The following PTPRM variants were observed in gnomAD, a reference collection of about 807,000 sequenced individuals.
PTPRM encodes receptor-type tyrosine-protein phosphatase mu.
In PTPRM, 47 loss-of-function variants were observed where a neutral mutation model predicts 186.7. The ratio of observed to expected loss-of-function variants is 0.25; its 90% CI spans 0.20 to 0.32. The LOEUF is 0.32. PTPRM is among the 10% of genes least tolerant of loss of function. The pLI is 1.00. For missense variants in PTPRM, 1,494 were observed against 1,865.0 expected (o/e 0.80, Z 3.66); for synonymous variants, 668 against 674.9 (o/e 0.99, Z 0.16).
chr18:8,164,484 G>A (rs1202916795), intron 14 of PTPRM, among the ~76,000 whole-genome samples: 2 of 152,118 alleles, frequency 1.3e-5, no homozygotes, highest in Non-Finnish European at 2.9e-5. Flanking sequence ...ACAAAAATGT[G>A]GTCTATCCAT....
intron 1 of PTPRM, among the ~76,000 whole-genome samples, chr18:7,676,778 T>C (rs935606872): frequency 7.2e-5 from 11 of 152,208 alleles, no homozygotes; most frequent in African/African-American, 2.4e-4. Flanking sequence ...AATGTTTTAC[T>C]GATTTGAATG....
At chr18:8,255,496 A>G (rs1403049979) in intron 19 of PTPRM, among the ~76,000 whole-genome samples, 1 of 152,244 alleles carries the variant, frequency 6.6e-6, no homozygotes, top group African/African-American at 2.4e-5. Flanking sequence ...CAACTAATTC[A>G]GTTCTCAAAA....
At chr18:7,739,171 A>T (rs560326680) in intron 1 of PTPRM, among the ~76,000 whole-genome samples, 38 of 152,172 alleles carry the variant, frequency 2.5e-4, no homozygotes, top group Non-Finnish European at 3.1e-4. Context: ...CGCTCACCTC[A>T]TGAGGCATCC....
At chr18:8,101,161 A>G (rs1342581950) in intron 11 of PTPRM, among the ~76,000 whole-genome samples, 1 of 152,218 alleles carries the variant, frequency 6.6e-6, no homozygotes, top group African/African-American at 2.4e-5. Context: ...TAAGAAGCAT[A>G]AAGAATGCAA....
rs560762606 is a variant in PTPRM at position 8,059,111 on chromosome 18, G to A, written c.1133-10575G>A. On this transcript the variant is annotated intron_variant, in intron 7 of 32. Coordinates refer to ENST00000580170, the MANE Select transcript of PTPRM (RefSeq NM_001105244.2). Reference sequence around the variant, plus strand: ...GCATGGAATGTTCTTCCATTTGTTTGTATCCTCTTTTATTTCCTTGAGTAG... The same window carrying A: ...GCATGGAATGTTCTTCCATTTGTTTATATCCTCTTTTATTTCCTTGAGTAG... Among the ~76,000 whole-genome samples the A allele has an allele frequency of 2.7e-3, 406 of 150,954 alleles. 11 individuals are homozygous for A. The highest frequency in any genetic ancestry group is 9.4e-3 in the African/African-American group (382 of 40,774).
At chr18:8,221,085 C>G (rs1414349338) in intron 14 of PTPRM, among the ~76,000 whole-genome samples, 1 of 152,052 alleles carries the variant, frequency 6.6e-6, no homozygotes, top group Non-Finnish European at 1.5e-5. Flanking sequence ...TGTTTTTCCT[C>G]CCACTAAACT....
intron 4 of PTPRM, among the ~76,000 whole-genome samples, chr18:7,908,029 G>T (rs1241762063): frequency 6.6e-6 from 1 of 151,926 alleles, no homozygotes; most frequent in Non-Finnish European, 1.5e-5. Context: ...AAATATTGCT[G>T]CAGTGAGCAT....
chr18:7,816,882 A>T (rs1715585621), intron 2 of PTPRM, among the ~76,000 whole-genome samples: 1 of 152,252 alleles, frequency 6.6e-6, no homozygotes, highest in Admixed American at 6.5e-5. Flanking sequence ...CTCAGGGCGG[A>T]TAAATAATAG....
intron 2 of PTPRM, among the ~76,000 whole-genome samples, chr18:7,861,710 A>G (rs1010202911): frequency 1.3e-5 from 2 of 151,934 alleles, no homozygotes; most frequent in African/African-American, 2.4e-5. Flanking sequence ...AATCTTGTGC[A>G]CCTTTCTTGG....
intron 2 of PTPRM, chr18:7,815,498 A>C (rs1238872339): frequency 1.3e-5 from 2 of 152,114 alleles, no homozygotes; most frequent in Admixed American, 6.5e-5. Flanking sequence ...ATTTTTCCTC[A>C]TAGAGATGTC....
At chr18:8,308,518 A>G (rs1223355078) in intron 20 of PTPRM, among the ~76,000 whole-genome samples, 2 of 152,230 alleles carry the variant, frequency 1.3e-5, no homozygotes, top group Admixed American at 1.3e-4. Context: ...ATTAAATCTA[A>G]TATGTCCTAA....
At chr18:7,674,830 G>T (rs1339076525) in intron 1 of PTPRM, among the ~76,000 whole-genome samples, 3 of 152,206 alleles carry the variant, frequency 2.0e-5, no homozygotes, top group Admixed American at 1.3e-4. Flanking sequence ...GCCTTGGTAG[G>T]CTCTTAATCG....
At chr18:7,788,707 C>A (rs1229721618) in intron 2 of PTPRM, among the ~76,000 whole-genome samples, 2 of 152,186 alleles carry the variant, frequency 1.3e-5, no homozygotes, top group Non-Finnish European at 2.9e-5. Flanking sequence ...GGTGAATAGT[C>A]ACATGCCTAT....
chr18:7,965,671 G>A (rs1025311228), intron 7 of PTPRM, among the ~76,000 whole-genome samples: 1 of 152,206 alleles, frequency 6.6e-6, no homozygotes, highest in African/African-American at 2.4e-5. Flanking sequence ...GAAAAGTTCA[G>A]TCACTCTTGA....
chr18:7,772,385 TTCTTTC>T (rs1194876458), intron 1 of PTPRM, among the ~76,000 whole-genome samples: 3 of 145,158 alleles, frequency 2.1e-5, no homozygotes, highest in Non-Finnish European at 3.0e-5. Flanking sequence ...CTTTCTTTCT[TTCTTTC>T]TTTCTTTCTT....
chr18:7,926,494 A>G (rs2051179565), intron 4 of PTPRM, 74 bp from the exon 5 acceptor site: 3 of 1,160,192 alleles, frequency 2.6e-6, no homozygotes, highest in Middle Eastern at 2.3e-4. Flanking sequence ...CAAAAATTTC[A>G]GATAGATTGA....
intron 24 of PTPRM, among the ~76,000 whole-genome samples, chr18:8,371,323 TA>T (rs751649078): frequency 5.9e-5 from 9 of 152,258 alleles, no homozygotes; most frequent in Admixed American, 1.3e-4. Context: ...CAAAGTTTGC[TA>T]AATTTTGATA....
At chr18:8,153,132 A>G (rs1049982316) in intron 14 of PTPRM, among the ~76,000 whole-genome samples, 3 of 152,206 alleles carry the variant, frequency 2.0e-5, no homozygotes, top group Non-Finnish European at 2.9e-5. Context: ...CCTAAGGAAC[A>G]ATAGGCCCTT....
At chr18:7,669,758 T>C (rs888721272) in intron 1 of PTPRM, among the ~76,000 whole-genome samples, 1 of 152,126 alleles carries the variant, frequency 6.6e-6, no homozygotes, top group African/African-American at 2.4e-5. Flanking sequence ...GTTTTGCTCT[T>C]GTTGCCCAGG....
Sources: gnomAD v4.1 joint callset for allele counts (sites outside exome capture counted in the v4.1 genomes callset) on GRCh38, gnomAD v4.1.1 for gene constraint, MANE v1.5 for transcripts, NCBI Gene and HGNC (gene_info 2026-07-23, HGNC 2026-07-21) for gene names.